GRIK2: variants seen among roughly 807,000 people sequenced by gnomAD.
GRIK2 encodes the protein glutamate receptor ionotropic, kainate 2.
A neutral mutation model predicts 100.3 loss-of-function variants in GRIK2; 32 were observed. That is an observed-to-expected ratio of 0.32 (90% CI 0.24 to 0.43). The LOEUF (loss-of-function observed/expected upper bound fraction) is 0.43, where lower values mean the gene tolerates loss of function less well. GRIK2 is among the 20% of genes least tolerant of loss of function. GRIK2 has a pLI of 1.00. For synonymous variants in GRIK2, 417 were observed against 389.4 expected, an observed-to-expected ratio of 1.07 and a Z score of -0.83; for missense variants, 843 against 1,114.9, an observed-to-expected ratio of 0.76 and a Z score of 3.47.
chr6:101,440,848 T>G (rs1770003776), intron 2 of GRIK2, among the ~76,000 whole-genome samples: 1 of 151,860 alleles, frequency 6.6e-6, no homozygotes, highest in Admixed American at 6.6e-5. Context: ...CAAAAACTCC[T>G]CAGCCTCCTT....
intron 12 of GRIK2, chr6:101,890,511 C>T (rs1425146519): frequency 6.6e-6 from 1 of 151,958 alleles, no homozygotes; most frequent in Admixed American, 6.6e-5. Flanking sequence ...AGGAGGATTG[C>T]CTTGAGGTCA....
intron 2 of GRIK2, among the ~76,000 whole-genome samples, chr6:101,602,580 T>C (rs1779272299): frequency 6.6e-6 from 1 of 151,210 alleles, no homozygotes; most frequent in Admixed American, 6.6e-5. Flanking sequence ...AAATGGAGGG[T>C]AATTTATTGA....
intron 2 of GRIK2, among the ~76,000 whole-genome samples, chr6:101,577,175 A>AC (rs1305100697): frequency 6.6e-6 from 1 of 151,982 alleles, no homozygotes; most frequent in African/African-American, 2.4e-5. Flanking sequence ...AAAAAAAACA[A>AC]CAACATCAGG....
At position 101,949,907 on chromosome 6, in the gene GRIK2, G is replaced by T. The variant is rs565843047; in HGVS notation, c.2085+21275G>T. On this transcript the variant is annotated intron_variant, in intron 14 of 16. Coordinates refer to ENST00000369134, the MANE Select transcript of GRIK2 (RefSeq NM_021956.5). ...ATTGCTGGGCCAAATGGTATTTCTG[G>T]TTCTAGATGCTTGAGGAATCACCAC... 2.4e-4 allele frequency among the ~76,000 whole-genome samples: 36 copies of T among 152,112 alleles called. 2 individuals carry two copies. The South Asian group carries it at 7.3e-3, about 31-fold the overall frequency.
intron 7 of GRIK2, among the ~76,000 whole-genome samples, chr6:101,760,332 T>C (rs1436458321): frequency 1.7e-5 from 2 of 115,328 alleles, no homozygotes; most frequent in Non-Finnish European, 3.3e-5. Flanking sequence ...TTTAATTATA[T>C]ATATTTATTA....
At chr6:101,832,404 A>G (rs1329472540) in intron 10 of GRIK2, among the ~76,000 whole-genome samples, 1 of 152,228 alleles carries the variant, frequency 6.6e-6, no homozygotes, top group East Asian at 1.9e-4. Flanking sequence ...ATAGTAAAAA[A>G]GAAACATTTT....
rs1772161178 is a variant in GRIK2 at position 102,069,322 on chromosome 6, T to TAATAATAAG, written c.*819_*820insGAATAATAA. 1 of 147,466 alleles carries TAATAATAAG rather than the reference T, an allele frequency of 6.8e-6. No individual in the cohort carries two copies. Among genetic ancestry groups the TAATAATAAG allele is most frequent in the Non-Finnish European group, 1.5e-5 (1 of 67,018 alleles). 9.1% of individuals were successfully genotyped at this position (147,466 alleles called of 1,614,324 possible). On this transcript the variant is annotated 3_prime_UTR_variant, in exon 17 of 17. Transcript: ENST00000369134. ...ATAATAATAATAATAATAATAATAATAATAATAATAATAATAAAAGCAGTT... is the reference window on the plus strand; with the variant it reads ...ATAATAATAATAATAATAATAATAATAATAATAAGAATAATAATAATAATAAAAGCAGTT...
At chr6:101,514,950 G>A (rs1212677305) in intron 2 of GRIK2, among the ~76,000 whole-genome samples, 2 of 152,026 alleles carry the variant, frequency 1.3e-5, no homozygotes, top group Non-Finnish European at 2.9e-5. Context: ...TTGGTTACAT[G>A]AGTAAGTTTT....
At chr6:102,049,878 T>C (rs1771081482) in intron 15 of GRIK2, among the ~76,000 whole-genome samples, 2 of 152,152 alleles carry the variant, frequency 1.3e-5, no homozygotes, top group Non-Finnish European at 2.9e-5. Flanking sequence ...TTTCAGCATG[T>C]TAAATATAAG....
intron 2 of GRIK2, among the ~76,000 whole-genome samples, chr6:101,424,901 A>AT (rs1337213112): frequency 4.9e-4 from 74 of 152,184 alleles, no homozygotes; most frequent in Admixed American, 7.2e-4. Context: ...CGAACTCTTC[A>AT]TTTTTTATGG....
At chr6:101,911,622 A>AACTTACTGG (rs1788698503) in intron 12 of GRIK2, among the ~76,000 whole-genome samples, 1 of 151,430 alleles carries the variant, frequency 6.6e-6, no homozygotes, top group Admixed American at 6.6e-5. Flanking sequence ...ATTGAATCTT[A>AACTTACTGG]ACTTACTGGA....
chr6:102,065,691 A>C, intron 16 of GRIK2: 1 of 633,344 alleles, frequency 1.6e-6, no homozygotes, highest in Non-Finnish European at 2.6e-6. Flanking sequence ...GGTTTATTTC[A>C]AACGATTCAA....
chr6:101,939,597 A>G (rs984164643), intron 14 of GRIK2, among the ~76,000 whole-genome samples: 1 of 152,170 alleles, frequency 6.6e-6, no homozygotes, highest in Non-Finnish European at 1.5e-5. Flanking sequence ...CACTGAAAAG[A>G]TAAAGTACAT....
At chr6:101,752,331 T>A (rs1776844321) in intron 7 of GRIK2, among the ~76,000 whole-genome samples, 2 of 152,168 alleles carry the variant, frequency 1.3e-5, no homozygotes, top group African/African-American at 4.8e-5. Context: ...AACACGATTT[T>A]CCAGAATTAT....
intron 12 of GRIK2, among the ~76,000 whole-genome samples, chr6:101,895,877 G>C (rs186999615): frequency 6.6e-5 from 10 of 151,358 alleles, no homozygotes; most frequent in East Asian, 1.9e-4. Context: ...TTTTAAATAC[G>C]TGCTGTTCTG....
At chr6:101,735,585 A>C (rs1448464063) in intron 7 of GRIK2, among the ~76,000 whole-genome samples, 1 of 151,776 alleles carries the variant, frequency 6.6e-6, no homozygotes, top group Non-Finnish European at 1.5e-5. Context: ...CCATTTTTAA[A>C]AACATCAGAC....
chr6:101,581,492 G>T (rs1778096384), intron 2 of GRIK2, among the ~76,000 whole-genome samples: 1 of 152,002 alleles, frequency 6.6e-6, no homozygotes, highest in Non-Finnish European at 1.5e-5. Context: ...TAGTCTGGGA[G>T]ACTAAGTCAG....
chr6:101,787,274 T>A (rs1229422632), intron 7 of GRIK2, among the ~76,000 whole-genome samples: 1 of 151,972 alleles, frequency 6.6e-6, no homozygotes, highest in Non-Finnish European at 1.5e-5. Context: ...TCAATAATCC[T>A]TTGTATTATT....
chr6:101,703,955 A>T (rs1773078372), intron 7 of GRIK2, among the ~76,000 whole-genome samples: 1 of 151,800 alleles, frequency 6.6e-6, no homozygotes, highest in South Asian at 2.1e-4. Flanking sequence ...TGAAGTGAGT[A>T]TACCAGCAGA....
Sources: allele counts gnomAD v4.1 joint callset (sites outside exome capture counted in the v4.1 genomes callset), GRCh38; gene constraint gnomAD v4.1.1; transcripts MANE v1.5; gene names NCBI Gene and HGNC (gene_info 2026-07-23, HGNC 2026-07-21).